AGTPBP1: variants seen among roughly 807,000 people sequenced by gnomAD.
AGTPBP1 encodes ATP/GTP binding carboxypeptidase 1.
AGTPBP1 carries 70 observed loss-of-function variants against 143.9 expected under a neutral mutation model. The observed-to-expected ratio is 0.49, with a 90% CI of 0.40 to 0.59. AGTPBP1 has a LOEUF of 0.59. Among genes scored for constraint, AGTPBP1 ranks in the 20% least tolerant of loss-of-function variants. AGTPBP1 has a pLI of 0.00. For missense variants in AGTPBP1, 1,229 were observed against 1,464.5 expected, an observed-to-expected ratio of 0.84 and a Z score of 2.62; for synonymous variants, 463 against 500.2, an observed-to-expected ratio of 0.93 and a Z score of 0.99.
chr9:85,790,238 A>T, the AGTPBP1 span, among the ~76,000 whole-genome samples: 24 of 152,172 alleles, frequency 1.6e-4, no homozygotes, highest in African/African-American at 2.4e-5. Flanking sequence ...TTTTGAGCTT[A>T]TGTTGGCAGA....
chr9:85,790,421 C>T, the AGTPBP1 span, among the ~76,000 whole-genome samples: 2 of 152,130 alleles, frequency 1.3e-5, no homozygotes, highest in Admixed American at 6.5e-5. Flanking sequence ...GCTGCGATTC[C>T]TTCCATTCCC....
At chr9:85,637,059 T>TC (rs72032893) in intron 13 of AGTPBP1, among the ~76,000 whole-genome samples, 1 of 151,118 alleles carries the variant, frequency 6.6e-6, no homozygotes, top group Admixed American at 6.6e-5. Context: ...TTTTTTTTTT[T>TC]AGACAGAGTT....
the AGTPBP1 span, among the ~76,000 whole-genome samples, chr9:85,751,645 C>CA: frequency 6.6e-5 from 10 of 152,070 alleles, no homozygotes; most frequent in Non-Finnish European, 1.2e-4. Context: ...GACAGAGTCT[C>CA]ACTCTGTCAC....
At chr9:85,698,977 C>T (rs1301936454) in intron 2 of AGTPBP1, among the ~76,000 whole-genome samples, 2 of 151,858 alleles carry the variant, frequency 1.3e-5, no homozygotes, top group African/African-American at 2.4e-5. Flanking sequence ...ACACACCTAA[C>T]CCTATTTTTA....
At chr9:85,683,006 C>G (rs1450123077) in intron 3 of AGTPBP1, among the ~76,000 whole-genome samples, 1 of 152,150 alleles carries the variant, frequency 6.6e-6, no homozygotes, top group Non-Finnish European at 1.5e-5. Flanking sequence ...AAACAACAAT[C>G]TCATGCTATC....
chr9:85,681,516 T>A (rs1156798205), intron 3 of AGTPBP1, among the ~76,000 whole-genome samples, 181 bp from the exon 4 acceptor site: 3 of 152,140 alleles, frequency 2.0e-5, no homozygotes, highest in African/African-American at 7.2e-5. Context: ...CTTCGAGATA[T>A]CAGTTAACAT....
intron 14 of AGTPBP1, among the ~76,000 whole-genome samples, chr9:85,625,393 T>C (rs890739438): frequency 7.9e-5 from 12 of 152,212 alleles, no homozygotes; most frequent in African/African-American, 2.9e-4. Flanking sequence ...TGGAAAATGA[T>C]ATCTCAGTAC....
intron 11 of AGTPBP1, among the ~76,000 whole-genome samples, chr9:85,649,057 C>T (rs1049757413): frequency 6.6e-6 from 1 of 152,070 alleles, no homozygotes; most frequent in African/African-American, 2.4e-5. Context: ...TTCATTATAC[C>T]AGTACCAATA....
At chr9:85,684,868 T>C (rs1470471312) in intron 3 of AGTPBP1, among the ~76,000 whole-genome samples, 2 of 151,900 alleles carry the variant, frequency 1.3e-5, no homozygotes, top group African/African-American at 4.8e-5. Context: ...AAGCAGCTAT[T>C]ATAATAAATG....
chr9:85,693,723 T>C (rs916829739), intron 2 of AGTPBP1, among the ~76,000 whole-genome samples: 14 of 151,858 alleles, frequency 9.2e-5, no homozygotes, highest in African/African-American at 3.4e-4. Flanking sequence ...ACAAGTCAAA[T>C]AGGTAAATAT....
chr9:85,648,126 C>A (rs890096396), intron 11 of AGTPBP1, among the ~76,000 whole-genome samples: 7 of 152,152 alleles, frequency 4.6e-5, no homozygotes, highest in African/African-American at 1.7e-4. Context: ...GCTATTTGAC[C>A]TTGAGCAAGT....
intron 17 of AGTPBP1, among the ~76,000 whole-genome samples, chr9:85,605,956 A>C (rs535474957): frequency 1.8e-4 from 27 of 152,192 alleles, no homozygotes; most frequent in African/African-American, 6.5e-4. Flanking sequence ...CACCTTCACA[A>C]AAGGGAAGAT....
intron 2 of AGTPBP1, among the ~76,000 whole-genome samples, chr9:85,704,744 C>T (rs1396556469): frequency 6.6e-6 from 1 of 152,044 alleles, no homozygotes; most frequent in Non-Finnish European, 1.5e-5. Context: ...CAGGTAAGTA[C>T]AATCTATAAT....
At chr9:85,632,155 A>C (rs191993939) in intron 14 of AGTPBP1, among the ~76,000 whole-genome samples, 55 of 152,172 alleles carry the variant, frequency 3.6e-4, no homozygotes, top group Non-Finnish European at 7.4e-4. Context: ...AATGCGTAAT[A>C]ATCACTTCAG....
chr9:85,741,866 C>A lies in AGTPBP1; in HGVS notation c.-125G>T. The A allele has an allele frequency of 7.2e-7, 1 of 1,396,260 alleles. No individual in the cohort carries two copies. Among genetic ancestry groups the A allele is most frequent in the South Asian group, 1.5e-5 (1 of 65,582 alleles). 86.5% of individuals were successfully genotyped at this position (1,396,260 alleles called of 1,614,324 possible). A position where few individuals can be genotyped will look rare whatever the true frequency, so the allele number is the denominator to read the frequency against. The stretch of plus-strand genomic sequence containing the variant: ...CGGCGGATCCCTCGCCGCCCGCCGC[C>A]CGGTGTTTTCATACAAACCCCGGTG... On this transcript the variant is annotated 5_prime_UTR_variant, in exon 1 of 26. Transcript: ENST00000357081.
intron 24 of AGTPBP1, among the ~76,000 whole-genome samples, chr9:85,576,537 T>C (rs545166657): frequency 3.7e-4 from 57 of 152,306 alleles, no homozygotes; most frequent in African/African-American, 1.3e-3. Flanking sequence ...ACCTTTTAAT[T>C]TGTAAGTTTT....
the AGTPBP1 span, among the ~76,000 whole-genome samples, chr9:85,782,248 C>T: frequency 2.6e-5 from 4 of 152,292 alleles, no homozygotes; most frequent in African/African-American, 9.6e-5. Flanking sequence ...GGTGCGGTGG[C>T]TCATGCCTGT....
chr9:85,569,342 T>TG (rs1452875621), intron 25 of AGTPBP1, among the ~76,000 whole-genome samples: 4 of 152,228 alleles, frequency 2.6e-5, no homozygotes, highest in Admixed American at 6.5e-5. Context: ...CACTTATTCC[T>TG]GAAAAGTTTC....
the AGTPBP1 span, among the ~76,000 whole-genome samples, chr9:85,774,551 A>C: frequency 6.6e-6 from 1 of 152,226 alleles, no homozygotes; most frequent in Non-Finnish European, 1.5e-5. Context: ...TACCATTATC[A>C]GTGAGCAGTA....
Sources: gnomAD v4.1 joint callset for allele counts (sites outside exome capture counted in the v4.1 genomes callset) on GRCh38, gnomAD v4.1.1 for gene constraint, MANE v1.5 for transcripts, NCBI Gene and HGNC (gene_info 2026-07-23, HGNC 2026-07-21) for gene names.